SHISA9: variants seen among roughly 807,000 people sequenced by gnomAD.
SHISA9 encodes shisa family member 9, also known as protein shisa-9.
A neutral mutation model predicts 38.0 loss-of-function variants in SHISA9; 13 were observed. The ratio of observed to expected loss-of-function variants is 0.34; its 90% CI spans 0.22 to 0.54. The LOEUF (loss-of-function observed/expected upper bound fraction) is 0.54. SHISA9 is among the 20% of genes least tolerant of loss of function. The pLI is 0.91. For synonymous variants in SHISA9, 275 were observed against 242.0 expected, an observed-to-expected ratio of 1.14 and a Z score of -1.27; for missense variants, 538 against 575.8, an observed-to-expected ratio of 0.93 and a Z score of 0.67.
At chr16:13,089,070 G>A (rs887190265) in intron 2 of SHISA9, among the ~76,000 whole-genome samples, 3 of 152,194 alleles carry the variant, frequency 2.0e-5, no homozygotes, top group Non-Finnish European at 4.4e-5. Flanking sequence ...AGATAATCAT[G>A]TGGTTTTTGT....
chr16:12,913,144 T>G (rs890511851), intron 1 of SHISA9, among the ~76,000 whole-genome samples: 1 of 152,206 alleles, frequency 6.6e-6, no homozygotes, highest in Non-Finnish European at 1.5e-5. Flanking sequence ...TCAATGGTTT[T>G]TAATATATAG....
the SHISA9 span, among the ~76,000 whole-genome samples, chr16:13,473,162 C>G: frequency 6.6e-6 from 1 of 152,114 alleles, no homozygotes; most frequent in Non-Finnish European, 1.5e-5. Flanking sequence ...AAGTTTTATT[C>G]TATCAGATTT....
At chr16:13,354,998 C>T in the SHISA9 span, among the ~76,000 whole-genome samples, 104,992 of 140,964 alleles carry the variant, frequency 0.74, 39,079 homozygotes, top group East Asian at 0.93. Context: ...CAAGTGAAAG[C>T]GAAGAGAGGC....
At chr16:13,436,175 C>T in the SHISA9 span, among the ~76,000 whole-genome samples, 1 of 152,158 alleles carries the variant, frequency 6.6e-6, no homozygotes, top group Non-Finnish European at 1.5e-5. Flanking sequence ...GTTAGGCATT[C>T]TTAGTCAACA....
At position 13,126,980 on chromosome 16, in the gene SHISA9, A is replaced by T. The variant is rs2050264390; in HGVS notation, c.692-76414A>T. Among the ~76,000 whole-genome samples the T allele has an allele frequency of 2.1e-5, 3 of 141,204 alleles. No homozygotes were observed. In the South Asian group the frequency reaches 7.1e-4, roughly 33 times the overall value. 92.6% of individuals were successfully genotyped at this position (141,204 alleles called of 152,430 possible). A position where few individuals can be genotyped will look rare whatever the true frequency, so the allele number is the denominator to read the frequency against. On this transcript the variant is annotated intron_variant, in intron 2 of 4. Transcript: ENST00000558583. ...GAAAGAGAGAGAATGAGAGAAGGAG[A>T]GAGAGAGAGGGAGAGAAGGAAAAAG... is the stretch of plus-strand genomic sequence containing the variant.
chr16:13,038,032 C>G (rs967387383), intron 2 of SHISA9, among the ~76,000 whole-genome samples: 1 of 152,148 alleles, frequency 6.6e-6, no homozygotes, highest in African/African-American at 2.4e-5. Context: ...GCTCTGTCAC[C>G]CAGGCTGGCG....
chr16:13,015,734 C>T (rs1195959589), intron 2 of SHISA9, among the ~76,000 whole-genome samples: 4 of 151,934 alleles, frequency 2.6e-5, no homozygotes, highest in South Asian at 2.1e-4. Flanking sequence ...TCAAAGGTTT[C>T]CGGAGTAGCT....
intron 2 of SHISA9, among the ~76,000 whole-genome samples, chr16:12,939,319 G>A (rs1310753498): frequency 6.6e-6 from 1 of 152,158 alleles, no homozygotes; most frequent in African/African-American, 2.4e-5. Flanking sequence ...CCTGACCTCA[G>A]GCAATCCACC....
intron 2 of SHISA9, among the ~76,000 whole-genome samples, chr16:12,940,109 T>A (rs1354586316): frequency 6.6e-6 from 1 of 152,166 alleles, no homozygotes; most frequent in Non-Finnish European, 1.5e-5. Context: ...GAGGAGAGAA[T>A]TTTTGATTGG....
rs2051422424 is a variant in SHISA9 at position 13,240,083 on chromosome 16, C to T, written c.*4674C>T. On this transcript the variant is annotated 3_prime_UTR_variant, in exon 5 of 5. Coordinates refer to ENST00000558583, the MANE Select transcript of SHISA9 (RefSeq NM_001145204.3). ...CTTTAGCTGTCCCCCAGTTTCCAAC[C>T]CAATGGGACCAGAGTCTGACTTCCC... is the stretch of plus-strand genomic sequence containing the variant. 1.3e-5 allele frequency: 2 copies of T among 152,334 alleles called. No individual in the cohort carries two copies. The highest frequency in any genetic ancestry group is 2.9e-5 in the Non-Finnish European group (2 of 68,134). 9.4% of individuals were successfully genotyped at this position (152,334 alleles called of 1,614,324 possible). A position where few individuals can be genotyped will look rare whatever the true frequency, so the allele number is the denominator to read the frequency against.
chr16:13,219,798 A>G (rs2051204931), intron 4 of SHISA9, among the ~76,000 whole-genome samples: 1 of 152,164 alleles, frequency 6.6e-6, no homozygotes, highest in African/African-American at 2.4e-5. Flanking sequence ...GTCTCTACAA[A>G]AATACAAAAA....
the SHISA9 span, among the ~76,000 whole-genome samples, chr16:13,467,794 C>T: frequency 6.6e-6 from 1 of 152,172 alleles, no homozygotes; most frequent in Non-Finnish European, 1.5e-5. Context: ...GGGCCACCAG[C>T]CATATTTCTT....
intron 2 of SHISA9, among the ~76,000 whole-genome samples, chr16:13,181,481 A>C (rs2050779123): frequency 6.6e-6 from 1 of 151,832 alleles, no homozygotes; most frequent in Non-Finnish European, 1.5e-5. Context: ...TGGGGGATAG[A>C]GATCAATGGG....
chr16:13,025,126 C>A (rs2141870690), intron 2 of SHISA9, among the ~76,000 whole-genome samples: 1 of 152,112 alleles, frequency 6.6e-6, no homozygotes, highest in South Asian at 2.1e-4. Context: ...TTCTAGAATA[C>A]CCTGTGTTTC....
intron 2 of SHISA9, among the ~76,000 whole-genome samples, chr16:13,033,385 C>A (rs1055355263): frequency 2.6e-5 from 4 of 152,270 alleles, no homozygotes; most frequent in African/African-American, 9.6e-5. Context: ...AGAACCAAAA[C>A]CAGGGATTTG....
intron 2 of SHISA9, among the ~76,000 whole-genome samples, chr16:13,070,430 G>C (rs886137221): frequency 1.1e-4 from 16 of 152,156 alleles, no homozygotes; most frequent in East Asian, 7.8e-4. Flanking sequence ...CTCTGGGTTG[G>C]CGGGCAGATT....
At chr16:13,559,906 A>G in the SHISA9 span, among the ~76,000 whole-genome samples, 6 of 152,230 alleles carry the variant, frequency 3.9e-5, no homozygotes, top group African/African-American at 1.4e-4. Flanking sequence ...ATCAACTGGA[A>G]AGATTGACTT....
chr16:13,283,253 A>G, the SHISA9 span, among the ~76,000 whole-genome samples: 1 of 151,814 alleles, frequency 6.6e-6, no homozygotes, highest in African/African-American at 2.4e-5. Flanking sequence ...AATTTTTCTA[A>G]CTCAGCTAAC....
intron 2 of SHISA9, among the ~76,000 whole-genome samples, chr16:13,014,185 G>A (rs1229038879): frequency 6.6e-6 from 1 of 152,148 alleles, no homozygotes; most frequent in Non-Finnish European, 1.5e-5. Flanking sequence ...AGAGCAATGT[G>A]CCCAAGACAA....
Sources: gnomAD v4.1 joint callset for allele counts (sites outside exome capture counted in the v4.1 genomes callset) on GRCh38, gnomAD v4.1.1 for gene constraint, MANE v1.5 for transcripts, NCBI Gene and HGNC (gene_info 2026-07-23, HGNC 2026-07-21) for gene names.